The following PDE1A variants were observed in gnomAD, a reference collection of about 807,000 sequenced individuals.
PDE1A encodes dual specificity calcium/calmodulin-dependent 3',5'-cyclic nucleotide phosphodiesterase 1A.
Under a neutral mutation model 61.7 loss-of-function variants are expected in PDE1A, and 35 were observed. The observed-to-expected ratio is 0.57, with a 90% CI of 0.43 to 0.75. The LOEUF (loss-of-function observed/expected upper bound fraction) is 0.75. Ranked by LOEUF, PDE1A falls within the 30% of genes least tolerant of loss-of-function variation. The pLI is 0.00. For missense variants in PDE1A, 597 were observed against 630.6 expected (o/e 0.95, Z 0.57); for synonymous variants, 232 against 213.2 (o/e 1.09, Z -0.77).
At chr2:182,615,477 A>G in the PDE1A span, among the ~76,000 whole-genome samples, 1 of 152,226 alleles carries the variant, frequency 6.6e-6, no homozygotes, top group Non-Finnish European at 1.5e-5. Flanking sequence ...CAGAAACAAT[A>G]TAAGACCATA....
chr2:182,359,156 A>G (rs971672690), intron 1 of PDE1A, among the ~76,000 whole-genome samples: 7 of 152,180 alleles, frequency 4.6e-5, no homozygotes, highest in Admixed American at 1.3e-4. Context: ...CTTCTTCCCA[A>G]GCAAACTCTT....
intron 2 of PDE1A, among the ~76,000 whole-genome samples, chr2:182,505,439 G>C (rs1169401292): frequency 6.6e-6 from 1 of 152,158 alleles, no homozygotes; most frequent in Non-Finnish European, 1.5e-5. Flanking sequence ...TACCAAAAAA[G>C]TAATTTACAG....
chr2:182,319,258 T>C (rs761056270), intron 1 of PDE1A, among the ~76,000 whole-genome samples: 2 of 152,162 alleles, frequency 1.3e-5, no homozygotes, highest in South Asian at 2.1e-4. Context: ...AACCTAAACA[T>C]GTTCTGTCAG....
chr2:182,626,738 CATATATATACAT>C, the PDE1A span, among the ~76,000 whole-genome samples: 166 of 13,922 alleles, frequency 0.012, 20 homozygotes, highest in East Asian at 0.074. Context: ...TATATATATA[CATATATATACAT>C]ATATATATAT....
At chr2:182,617,096 A>G in the PDE1A span, among the ~76,000 whole-genome samples, 4 of 152,170 alleles carry the variant, frequency 2.6e-5, no homozygotes, top group African/African-American at 9.7e-5. Context: ...GCCTAATCAC[A>G]TTGTTTTTGT....
At chr2:182,406,610 A>G (rs1197587070) in intron 1 of PDE1A, among the ~76,000 whole-genome samples, 1 of 152,136 alleles carries the variant, frequency 6.6e-6, no homozygotes, top group East Asian at 1.9e-4. Context: ...AGCATGTTGG[A>G]TATTGGAGTA....
intron 2 of PDE1A, among the ~76,000 whole-genome samples, chr2:182,245,939 G>A (rs916660712): frequency 6.6e-6 from 1 of 152,094 alleles, no homozygotes; most frequent in African/African-American, 2.4e-5. Flanking sequence ...CACCTGTAAC[G>A]AATGAGCCAG....
At chr2:182,539,192 A>G in the PDE1A span, among the ~76,000 whole-genome samples, 13 of 152,212 alleles carry the variant, frequency 8.5e-5, no homozygotes, top group Non-Finnish European at 1.3e-4. Context: ...ATAGGGTTTC[A>G]CAAACATGGT....
chr2:182,670,711 A>G, the PDE1A span, among the ~76,000 whole-genome samples: 1 of 152,218 alleles, frequency 6.6e-6, no homozygotes, highest in Non-Finnish European at 1.5e-5. Flanking sequence ...TCACCTACCA[A>G]TGTTTCTCAA....
At chr2:182,272,497 C>A (rs1255708558) in intron 1 of PDE1A, among the ~76,000 whole-genome samples, 2 of 152,158 alleles carry the variant, frequency 1.3e-5, no homozygotes, top group East Asian at 3.9e-4. Context: ...AAATATTCAA[C>A]AACTTCAAAA....
At chr2:182,686,991 C>CGCCAT in the PDE1A span, among the ~76,000 whole-genome samples, 1 of 152,196 alleles carries the variant, frequency 6.6e-6, no homozygotes, top group Non-Finnish European at 1.5e-5. Context: ...GAGGGGCGCC[C>CGCCAT]GCCATTGCTG....
the PDE1A span, among the ~76,000 whole-genome samples, chr2:182,603,719 T>C: frequency 1.4e-4 from 21 of 152,236 alleles, no homozygotes; most frequent in African/African-American, 4.8e-4. Context: ...ATGTTTACAC[T>C]GAAATTTTAG....
intron 8 of PDE1A, among the ~76,000 whole-genome samples, chr2:182,202,226 C>T (rs535542729): frequency 6.6e-6 from 1 of 152,186 alleles, no homozygotes; most frequent in African/African-American, 2.4e-5. Context: ...ACATGTCAAC[C>T]AAACTAAAAG....
intron 2 of PDE1A, among the ~76,000 whole-genome samples, chr2:182,445,395 T>C (rs1225231330): frequency 6.6e-6 from 1 of 152,132 alleles, no homozygotes; most frequent in Non-Finnish European, 1.5e-5. Context: ...ACATTCCATT[T>C]TCCCACTTGA....
chr2:182,670,139 T>C, the PDE1A span, among the ~76,000 whole-genome samples: 1 of 152,232 alleles, frequency 6.6e-6, no homozygotes, highest in Non-Finnish European at 1.5e-5. Context: ...TGTATATAAG[T>C]GCCCAGTACA....
intron 2 of PDE1A, among the ~76,000 whole-genome samples, chr2:182,516,702 GAGGAAGGAAGGAAGGAAGGA>G (rs199731099): frequency 9.4e-5 from 11 of 116,848 alleles, no homozygotes; most frequent in South Asian, 3.2e-4. Context: ...GGGAGGAAGG[GAGGAAGGAAGGAAGGAAGGA>G]AGGAAGGAAG....
intron 1 of PDE1A, among the ~76,000 whole-genome samples, chr2:182,394,389 G>A (rs947365146): frequency 6.6e-6 from 1 of 152,042 alleles, no homozygotes; most frequent in Admixed American, 6.6e-5. Context: ...AACAGCATGG[G>A]AAATTCCCAC....
chr2:182,293,930 T>C (rs1694704799), intron 1 of PDE1A, among the ~76,000 whole-genome samples: 1 of 152,204 alleles, frequency 6.6e-6, no homozygotes, highest in African/African-American at 2.4e-5. Flanking sequence ...GAGGATCACC[T>C]GCTTTCAGGG....
chr2:182,282,219 T>C (rs1267314467), intron 1 of PDE1A, among the ~76,000 whole-genome samples: 1 of 151,972 alleles, frequency 6.6e-6, no homozygotes, highest in Non-Finnish European at 1.5e-5. Flanking sequence ...TCTTGAGCTC[T>C]TTCCTGTCTC....
Sources: allele counts gnomAD v4.1 joint callset (sites outside exome capture counted in the v4.1 genomes callset), GRCh38; gene constraint gnomAD v4.1.1; transcripts MANE v1.5; gene names NCBI Gene and HGNC (gene_info 2026-07-23, HGNC 2026-07-21).